ALDH2: variants seen among roughly 807,000 people sequenced by gnomAD.
ALDH2 encodes the protein aldehyde dehydrogenase, mitochondrial.
ALDH2 carries 44 observed loss-of-function variants against 59.6 expected under a neutral mutation model. The observed-to-expected ratio is 0.74, with a 90% CI of 0.58 to 0.95. ALDH2 has a LOEUF of 0.95. Among genes scored for constraint, ALDH2 ranks in the 40% least tolerant of loss-of-function variants. The pLI is 0.00. For missense variants in ALDH2, 570 were observed against 696.3 expected, an observed-to-expected ratio of 0.82 and a Z score of 2.04; for synonymous variants, 291 against 284.0, an observed-to-expected ratio of 1.02 and a Z score of -0.25.
In ALDH2 at chr12:111,792,655, G is replaced by C; in HGVS notation, c.956G>C (p.Cys319Ser). The stretch of plus-strand genomic sequence containing the variant: ...CTGTTCTTCAACCAGGGCCAGTGCT[G>C]CTGTGCCGGCTCCCGGACCTTCGTG... The part of the protein sequence containing the change: ...FALFFNQGQC[C>S]CAGSRTFVQE... Residue 319 changes from cysteine to serine, a missense_variant, in exon 9 of 13, where the codon TGC becomes TCC. Coordinates refer to ENST00000261733, the MANE Select transcript of ALDH2 (RefSeq NM_000690.4). 1 of 1,612,528 alleles carries C rather than the reference G, an allele frequency of 6.2e-7. No individual in the cohort carries two copies. Among genetic ancestry groups the C allele is most frequent in the Non-Finnish European group, 8.5e-7 (1 of 1,179,576 alleles).
In ALDH2 at chr12:111,814,422, C is replaced by T. The variant is rs930879883; in HGVS notation, c.*4847C>T. On this transcript the variant is annotated 3_prime_UTR_variant, in exon 13 of 13. Coordinates refer to ENST00000261733, the MANE Select transcript of ALDH2 (RefSeq NM_000690.4). ...GGGCATGGTGGCTGGCACCTGTAAT[C>T]CCAGCTACTCAGGAGGCTGAGGCAG... is the stretch of plus-strand genomic sequence containing the variant. 16 of 151,558 alleles carry T rather than the reference C, an allele frequency of 1.1e-4. No homozygotes were observed. The highest frequency in any genetic ancestry group is 3.9e-4 in the African/African-American group (16 of 41,154). The allele number at this position is 151,558 out of a possible 1,614,324, so 9.4% of individuals were successfully genotyped here.
chr12:111,774,109 A>G (rs539175645), intron 1 of ALDH2, among the ~76,000 whole-genome samples: 5 of 152,330 alleles, frequency 3.3e-5, no homozygotes, highest in Admixed American at 1.3e-4. Flanking sequence ...TCTGGCAAAC[A>G]GTCCAAAGTG....
At chr12:111,806,109 C>T (rs917231600) in intron 12 of ALDH2, among the ~76,000 whole-genome samples, 23 of 151,212 alleles carry the variant, frequency 1.5e-4, no homozygotes, top group Admixed American at 4.0e-4. Context: ...GTCAGGAGAT[C>T]GAGACCATCC....
chr12:111,782,134 T>C, intron 2 of ALDH2, 112 bp downstream of exon 2: 1 of 771,742 alleles, frequency 1.3e-6, no homozygotes, highest in Non-Finnish European at 2.2e-6. Flanking sequence ...AAGTAACAGA[T>C]ACCAGTGAAA....
At chr12:111,787,891 T>C (rs2068322986) in intron 4 of ALDH2, among the ~76,000 whole-genome samples, 2 of 151,778 alleles carry the variant, frequency 1.3e-5, no homozygotes, top group Non-Finnish European at 2.9e-5. Context: ...TATAAAAAAT[T>C]AGCTGGGCTT....
At chr12:111,802,980 CAA>C (rs2068466551) in intron 11 of ALDH2, among the ~76,000 whole-genome samples, 2 of 151,398 alleles carry the variant, frequency 1.3e-5, no homozygotes, top group African/African-American at 4.8e-5. Context: ...ATCACGAAGT[CAA>C]GAGTTTGAGA....
chr12:111,784,648 C>T (rs1275375127), intron 3 of ALDH2, among the ~76,000 whole-genome samples: 1 of 152,150 alleles, frequency 6.6e-6, no homozygotes, highest in Non-Finnish European at 1.5e-5. Context: ...TGGAGTCTCA[C>T]TCTTCACCCA....
chr12:111,809,364 A>G (rs553701288), intron 12 of ALDH2, among the ~76,000 whole-genome samples, 179 bp from the exon 13 acceptor site: 2 of 152,208 alleles, frequency 1.3e-5, no homozygotes, highest in East Asian at 3.9e-4. Flanking sequence ...CTGAGGTGGG[A>G]GGATCGCTTG....
chr12:111,784,452 G>T (rs2068295591), intron 3 of ALDH2, among the ~76,000 whole-genome samples: 2 of 152,316 alleles, frequency 1.3e-5, no homozygotes, highest in Non-Finnish European at 2.9e-5. Flanking sequence ...GCTTGCACCT[G>T]CCTGGGATGC....
rs754530560 is a variant in ALDH2 at position 111,783,210 on chromosome 12, C to G, written c.272C>G (p.Ser91Ter). The change falls in exon 3 of 13, where the codon TCA (serine) becomes TGA (stop). Residue 91 changes from serine (S) to a stop codon, truncating the protein, a stop_gained. Transcript: ENST00000261733. LOFTEE classifies it high-confidence loss of function. ...KAARAAFQLGSPWRRMDASHR... is the reference protein window; with the variant it reads ...KAARAAFQLG ...GCCCGGGCCGCCTTCCAGCTGGGCT[C>G]ACCTTGGCGCCGCATGGACGCATCA... The G allele has an allele frequency of 6.2e-7, 1 of 1,613,410 alleles. No homozygotes were observed. Among genetic ancestry groups the G allele is most frequent in the Non-Finnish European group, 8.5e-7 (1 of 1,179,612 alleles).
In ALDH2 at chr12:111,812,860, G is replaced by A. The variant is rs780947942; in HGVS notation, c.*3285G>A. 6.6e-6 allele frequency: 1 copy of A among 152,068 alleles called. No homozygotes were observed. Among genetic ancestry groups the A allele is most frequent in the African/African-American group, 2.4e-5 (1 of 41,382 alleles). 9.4% of individuals were successfully genotyped at this position (152,068 alleles called of 1,614,324 possible). A position where few individuals can be genotyped will look rare whatever the true frequency, so the allele number is the denominator to read the frequency against. On this transcript the variant is annotated 3_prime_UTR_variant, in exon 13 of 13. Transcript: ENST00000261733. ...ACCACTTCACTCCAGCCCAGAGTGA[G>A]ACCCCATCTCTGAAAAAAACACAAA...
In ALDH2 at chr12:111,766,973, G is replaced by A. The variant is rs912811130; in HGVS notation, c.-10G>A. On this transcript the variant is annotated 5_prime_UTR_variant, in exon 1 of 13. Transcript: ENST00000261733. ...CTCTCGGTCCGCTCGCTGTCCGCTA[G>A]CCCGCTGCGATGTTGCGCGCTGCCG... 10 of 1,520,728 alleles carry A rather than the reference G, an allele frequency of 6.6e-6. No individual in the cohort carries two copies. The highest frequency in any genetic ancestry group is 3.6e-5 in the South Asian group (3 of 82,828). The allele number at this position is 1,520,728 out of a possible 1,614,324, so 94.2% of individuals were successfully genotyped here. A position where few individuals can be genotyped will look rare whatever the true frequency, so the allele number is the denominator to read the frequency against.
chr12:111,766,938 C>T lies in ALDH2; in HGVS notation c.-45C>T, dbSNP rs1221991105. 5 of 1,489,050 alleles carry T rather than the reference C, an allele frequency of 3.4e-6. No homozygotes were observed. The highest frequency in any genetic ancestry group is 4.5e-6 in the Non-Finnish European group (5 of 1,118,160). 92.2% of individuals were successfully genotyped at this position (1,489,050 alleles called of 1,614,324 possible). A position where few individuals can be genotyped will look rare whatever the true frequency, so the allele number is the denominator to read the frequency against. On this transcript the variant is annotated 5_prime_UTR_variant, in exon 1 of 13. Coordinates refer to ENST00000261733, the MANE Select transcript of ALDH2 (RefSeq NM_000690.4). Reference sequence around the variant, plus strand: ...GGGGTCGGCTCAGTGGCCCTGAGACCCTAGCTCTGCTCTCGGTCCGCTCGC... The same window carrying T: ...GGGGTCGGCTCAGTGGCCCTGAGACTCTAGCTCTGCTCTCGGTCCGCTCGC...
At chr12:111,768,637 G>A (rs1402566353) in intron 1 of ALDH2, among the ~76,000 whole-genome samples, 3 of 152,086 alleles carry the variant, frequency 2.0e-5, no homozygotes, top group East Asian at 1.9e-4. Context: ...CTAGGATTTC[G>A]AGACCAGCCT....
intron 1 of ALDH2, among the ~76,000 whole-genome samples, chr12:111,776,246 TAA>T (rs2068233754): frequency 6.6e-6 from 1 of 152,122 alleles, no homozygotes; most frequent in African/African-American, 2.4e-5. Context: ...GGGAACAACA[TAA>T]AGAGTATAGA....
chr12:111,784,194 G>T (rs1248181951), intron 3 of ALDH2, among the ~76,000 whole-genome samples: 2 of 152,180 alleles, frequency 1.3e-5, no homozygotes, highest in East Asian at 3.9e-4. Context: ...TATGCCTGTA[G>T]TCCTAGCTAC....
intron 1 of ALDH2, among the ~76,000 whole-genome samples, chr12:111,771,251 G>C (rs937971207): frequency 1.3e-5 from 2 of 152,036 alleles, no homozygotes; most frequent in African/African-American, 2.4e-5. Flanking sequence ...AAAAAAATTA[G>C]CTGGACATGG....
At chr12:111,802,286 C>T (rs1420923159) in intron 11 of ALDH2, among the ~76,000 whole-genome samples, 1 of 151,952 alleles carries the variant, frequency 6.6e-6, no homozygotes, top group Non-Finnish European at 1.5e-5. Flanking sequence ...GTGGCATGCA[C>T]CTGTAATCCC....
At chr12:111,767,977 C>T (rs1196022352) in intron 1 of ALDH2, among the ~76,000 whole-genome samples, 1 of 152,190 alleles carries the variant, frequency 6.6e-6, no homozygotes, top group Admixed American at 6.5e-5. Flanking sequence ...CATAGTTAAT[C>T]ACAGCTCCTG....
Sources: allele counts gnomAD v4.1 joint callset (sites outside exome capture counted in the v4.1 genomes callset), GRCh38; gene constraint gnomAD v4.1.1; transcripts MANE v1.5; gene names NCBI Gene and HGNC (gene_info 2026-07-23, HGNC 2026-07-21).